The following SLC22A15 variants were observed in gnomAD, a reference collection of about 807,000 sequenced individuals.
The protein encoded by SLC22A15 is flipt 1.
Under a neutral mutation model 62.7 loss-of-function variants are expected in SLC22A15, and 45 were observed. That is an observed-to-expected ratio of 0.72 (90% CI 0.56 to 0.92). SLC22A15 has a LOEUF of 0.92. SLC22A15 is among the 40% of genes least tolerant of loss of function. SLC22A15 has a pLI of 0.00. For synonymous variants in SLC22A15, 264 were observed against 267.0 expected (o/e 0.99, Z 0.11); for missense variants, 622 against 665.6 (o/e 0.93, Z 0.72).
chr1:116,061,206 A>G (rs1175468962), intron 8 of SLC22A15, among the ~76,000 whole-genome samples: 1 of 152,196 alleles, frequency 6.6e-6, no homozygotes, highest in African/African-American at 2.4e-5. Flanking sequence ...CGAAATCCCA[A>G]TTTGGACAGG....
intron 8 of SLC22A15, among the ~76,000 whole-genome samples, chr1:116,042,732 G>T (rs1356479916): frequency 6.6e-6 from 1 of 152,160 alleles, no homozygotes; most frequent in Middle Eastern, 3.2e-3. Flanking sequence ...AGGCGAAATA[G>T]ACAAATCCAA....
At chr1:116,008,954 C>T (rs1019418991) in intron 2 of SLC22A15, among the ~76,000 whole-genome samples, 7 of 152,150 alleles carry the variant, frequency 4.6e-5, no homozygotes, top group Admixed American at 3.3e-4. Context: ...TCCACCCCCA[C>T]AAAACCCACT....
At chr1:116,046,532 T>G (rs1232254769) in intron 8 of SLC22A15, among the ~76,000 whole-genome samples, 2 of 152,180 alleles carry the variant, frequency 1.3e-5, no homozygotes, top group Non-Finnish European at 2.9e-5. Context: ...ATCAGGATCA[T>G]CATGGCGGAC....
At chr1:116,053,841 G>A (rs1382359475) in intron 8 of SLC22A15, among the ~76,000 whole-genome samples, 29 of 151,680 alleles carry the variant, frequency 1.9e-4, no homozygotes, top group Admixed American at 1.8e-3. Context: ...ATACTTTACA[G>A]ACAAGCAAAT....
intron 2 of SLC22A15, among the ~76,000 whole-genome samples, chr1:116,019,053 G>A (rs966404599): frequency 3.9e-5 from 6 of 152,154 alleles, no homozygotes; most frequent in Middle Eastern, 6.8e-3. Flanking sequence ...ATATCTTTTC[G>A]TGTCCCTGCT....
rs1246866790 is a variant in SLC22A15, at chr1:116,069,862, C to A, written c.*2754C>A. On this transcript the variant is annotated 3_prime_UTR_variant, in exon 12 of 12. Coordinates refer to ENST00000369503, the MANE Select transcript of SLC22A15 (RefSeq NM_018420.3). ...TTTAGTAGGTGATTTATATTCATAA[C>A]AAATACATATTGAAATAATTGTCAC... 6.6e-6 allele frequency: 1 copy of A among 152,090 alleles called. No homozygotes were observed. Among genetic ancestry groups the A allele is most frequent in the Non-Finnish European group, 1.5e-5 (1 of 68,012 alleles). 9.4% of individuals were successfully genotyped at this position (152,090 alleles called of 1,614,324 possible).
intron 8 of SLC22A15, among the ~76,000 whole-genome samples, chr1:116,059,346 C>T (rs768563238): frequency 1.3e-5 from 2 of 152,158 alleles, no homozygotes; most frequent in Non-Finnish European, 2.9e-5. Flanking sequence ...CCTAGATCCA[C>T]ACAAAGACTT....
chr1:116,024,487 G>A (rs1370897267), intron 4 of SLC22A15, among the ~76,000 whole-genome samples: 1 of 152,102 alleles, frequency 6.6e-6, no homozygotes, highest in Non-Finnish European at 1.5e-5. Context: ...CATATACATG[G>A]TTATAAAGCC....
intron 2 of SLC22A15, among the ~76,000 whole-genome samples, chr1:115,996,995 C>G (rs1426882642): frequency 6.6e-6 from 1 of 151,742 alleles, no homozygotes; most frequent in Non-Finnish European, 1.5e-5. Flanking sequence ...GCTAGCATGT[C>G]TAGCACTGTG....
intron 10 of SLC22A15, 135 bp downstream of exon 10, chr1:116,064,643 A>T: frequency 1.5e-6 from 1 of 669,750 alleles, no homozygotes; most frequent in Non-Finnish European, 2.7e-6. Context: ...GCCCTTTTAG[A>T]TAGTATTCCG....
intron 8 of SLC22A15, among the ~76,000 whole-genome samples, chr1:116,056,527 A>C (rs561480620): frequency 0.02 from 3,022 of 151,400 alleles, 97 homozygotes; most frequent in African/African-American, 0.069. Flanking sequence ...GCTACCAATG[A>C]CTTTCTTCAC....
chr1:116,036,172 A>G (rs1213486053), intron 7 of SLC22A15, among the ~76,000 whole-genome samples: 1 of 152,152 alleles, frequency 6.6e-6, no homozygotes, highest in Non-Finnish European at 1.5e-5. Context: ...TACTCTCATC[A>G]TGATCCAAGA....
chr1:116,028,861 A>G (rs1026390134), intron 5 of SLC22A15, among the ~76,000 whole-genome samples: 3 of 152,154 alleles, frequency 2.0e-5, no homozygotes, highest in African/African-American at 7.2e-5. Flanking sequence ...TTTGATAAGT[A>G]CACCACTGTC....
rs1657583266 is a variant in SLC22A15 at position 116,035,090 on chromosome 1, T to C, written c.945-97T>C. The C allele has an allele frequency of 9.3e-6, 12 of 1,286,702 alleles. No homozygotes were observed. The South Asian group carries it at 1.0e-4, about 11-fold the overall frequency. 79.7% of individuals were successfully genotyped at this position (1,286,702 alleles called of 1,614,324 possible). A position where few individuals can be genotyped will look rare whatever the true frequency, so the allele number is the denominator to read the frequency against. On this transcript the variant is annotated intron_variant, in intron 6 of 11. Coordinates refer to ENST00000369503, the MANE Select transcript of SLC22A15 (RefSeq NM_018420.3). ...GCTTACAGCAGATCAAGCAATTATATTGAACCAATATTTGAATCTCCTCTG... is the reference window on the plus strand; with the variant it reads ...GCTTACAGCAGATCAAGCAATTATACTGAACCAATATTTGAATCTCCTCTG...
intron 2 of SLC22A15, among the ~76,000 whole-genome samples, chr1:116,010,524 T>G (rs954273154): frequency 6.6e-6 from 1 of 152,220 alleles, no homozygotes; most frequent in African/African-American, 2.4e-5. Flanking sequence ...TGAAGCAAGT[T>G]AGTTAATCAC....
chr1:116,055,449 G>T (rs1236011465), intron 8 of SLC22A15, among the ~76,000 whole-genome samples: 1 of 149,876 alleles, frequency 6.7e-6, no homozygotes, highest in Non-Finnish European at 1.5e-5. Flanking sequence ...GGACCAGATG[G>T]ATTCACAGCC....
chr1:115,992,484 T>G (rs1655199767), intron 2 of SLC22A15, among the ~76,000 whole-genome samples: 2 of 152,110 alleles, frequency 1.3e-5, no homozygotes, highest in African/African-American at 2.4e-5. Context: ...AGATACAAAC[T>G]CCAAAAGAAC....
chr1:116,058,230 C>CTAA (rs1338598017), intron 8 of SLC22A15, among the ~76,000 whole-genome samples: 2 of 151,998 alleles, frequency 1.3e-5, no homozygotes, highest in African/African-American at 4.8e-5. Flanking sequence ...TGACAAAGGA[C>CTAA]TAATATTCAG....
rs56303802 is a variant in SLC22A15, at chr1:116,000,625, C to CTTT, written c.300+8403_300+8405dup. 5.8e-3 allele frequency among the ~76,000 whole-genome samples: 512 copies of CTTT among 88,228 alleles called. 1 individual carries two copies. The highest frequency in any genetic ancestry group is 0.011 in the East Asian group (29 of 2,690). The allele number at this position is 88,228 out of a possible 152,430, so 57.9% of individuals were successfully genotyped here. A position where few individuals can be genotyped will look rare whatever the true frequency, so the allele number is the denominator to read the frequency against. ...ATCTTCATGTAATTTCTTTTTTTTC[C>CTTT]TTTTTTTTTTTTTTTTTTTTTTTGA... On this transcript the variant is annotated intron_variant, in intron 2 of 11. Coordinates refer to ENST00000369503, the MANE Select transcript of SLC22A15 (RefSeq NM_018420.3).
Sources: allele counts gnomAD v4.1 joint callset (sites outside exome capture counted in the v4.1 genomes callset), GRCh38; gene constraint gnomAD v4.1.1; transcripts MANE v1.5; gene names NCBI Gene and HGNC (gene_info 2026-07-23, HGNC 2026-07-21).